The following DENND1A variants were observed in gnomAD, a reference collection of about 807,000 sequenced individuals.
DENND1A encodes DENN domain-containing protein 1A.
Under a neutral mutation model 113.7 loss-of-function variants are expected in DENND1A, and 51 were observed. That is an observed-to-expected ratio of 0.45 (90% confidence interval 0.36 to 0.57). DENND1A has a LOEUF of 0.57. Among genes scored for constraint, DENND1A ranks in the 20% least tolerant of loss-of-function variants. DENND1A has a pLI of 0.00. For synonymous variants in DENND1A, 565 were observed against 570.8 expected (o/e 0.99, Z 0.14); for missense variants, 1,258 against 1,395.9 (o/e 0.90, Z 1.57).
At chr9:123,442,166 C>G (rs1004401231) in intron 18 of DENND1A, among the ~76,000 whole-genome samples, 1 of 152,178 alleles carries the variant, frequency 6.6e-6, no homozygotes, top group African/African-American at 2.4e-5. Context: ...CAGCTGCCTA[C>G]CAGCTGGCCT....
chr9:123,561,636 G>A (rs750009002), intron 12 of DENND1A, among the ~76,000 whole-genome samples: 2 of 152,208 alleles, frequency 1.3e-5, no homozygotes, highest in South Asian at 2.1e-4. Flanking sequence ...CATTAACATC[G>A]GGATTCATCA....
chr9:123,737,685 C>T (rs2068675371), intron 5 of DENND1A, among the ~76,000 whole-genome samples: 1 of 152,190 alleles, frequency 6.6e-6, no homozygotes, highest in African/African-American at 2.4e-5. Flanking sequence ...TCAAAATCCA[C>T]TCTTTCCAGG....
At chr9:123,536,482 A>C (rs1184434680) in intron 13 of DENND1A, among the ~76,000 whole-genome samples, 1 of 151,176 alleles carries the variant, frequency 6.6e-6, no homozygotes, top group Non-Finnish European at 1.5e-5. Flanking sequence ...AAAAAAAAAA[A>C]GAAAAAGAAA....
intron 2 of DENND1A, among the ~76,000 whole-genome samples, chr9:123,820,280 C>T (rs1036846010): frequency 2.0e-5 from 3 of 152,210 alleles, no homozygotes; most frequent in Non-Finnish European, 1.5e-5. Context: ...GGGCTGACTT[C>T]GTGACTTGCT....
intron 13 of DENND1A, among the ~76,000 whole-genome samples, chr9:123,536,475 A>G (rs2055783271): frequency 6.6e-6 from 1 of 151,826 alleles, no homozygotes; most frequent in African/African-American, 2.4e-5. Context: ...CCAAAAAAAA[A>G]AAAAAAAGAA....
chr9:123,755,697 G>A (rs961916995), intron 5 of DENND1A, among the ~76,000 whole-genome samples: 2 of 152,078 alleles, frequency 1.3e-5, no homozygotes, highest in African/African-American at 2.4e-5. Flanking sequence ...GAGGATGAAG[G>A]CCTTTATGAT....
At position 123,475,661 on chromosome 9, in the gene DENND1A, G is replaced by A. The variant is rs2049850834; in HGVS notation, c.994-17764C>T. On this transcript the variant is annotated intron_variant, in intron 13 of 23. Coordinates refer to ENST00000394215, the MANE Select transcript of DENND1A (RefSeq NM_001352964.2). ...ATAAAGCACTGTGGGGGTTCCCGCT[G>A]CTGCACACTCGCCTGCCATCGCAGG... Among the ~76,000 whole-genome samples the A allele has an allele frequency of 2.6e-5, 4 of 152,256 alleles. No homozygotes were observed. In the South Asian group the frequency reaches 8.3e-4, roughly 31 times the overall value.
intron 12 of DENND1A, chr9:123,569,692 G>C (rs2058248496): frequency 6.6e-6 from 1 of 152,300 alleles, no homozygotes. Flanking sequence ...AAAGCACAAG[G>C]GATGAATGAC....
intron 12 of DENND1A, 134 bp downstream of exon 12, chr9:123,583,035 T>C (rs2058995883): frequency 1.6e-6 from 1 of 636,928 alleles, no homozygotes; most frequent in Non-Finnish European, 2.7e-6. Flanking sequence ...AAGGTTTCAA[T>C]GCAGAAACAA....
chr9:123,765,136 T>A (rs986154169), intron 4 of DENND1A, among the ~76,000 whole-genome samples: 6 of 152,178 alleles, frequency 3.9e-5, no homozygotes, highest in Non-Finnish European at 5.9e-5. Context: ...AATAAATATA[T>A]ATTGCTTTAT....
intron 19 of DENND1A, chr9:123,439,776 T>TTAGTTTCTA (rs1298611956): frequency 6.6e-6 from 1 of 152,106 alleles, no homozygotes; most frequent in Non-Finnish European, 1.5e-5. Context: ...ATACAAAATT[T>TTAGTTTCTA]TAGTTTCTAT....
intron 2 of DENND1A, among the ~76,000 whole-genome samples, chr9:123,864,458 G>C (rs1300392229): frequency 1.3e-5 from 2 of 152,200 alleles, no homozygotes; most frequent in Non-Finnish European, 2.9e-5. Context: ...AATGTAAAAA[G>C]TACAGGCTGA....
At chr9:123,894,593 G>C (rs1269544208) in intron 1 of DENND1A, among the ~76,000 whole-genome samples, 1 of 152,182 alleles carries the variant, frequency 6.6e-6, no homozygotes, top group Non-Finnish European at 1.5e-5. Flanking sequence ...AGGATGCAAT[G>C]AGGCTTTTTC....
chr9:123,868,940 T>C (rs1389978462), intron 2 of DENND1A, among the ~76,000 whole-genome samples: 1 of 152,192 alleles, frequency 6.6e-6, no homozygotes, highest in Non-Finnish European at 1.5e-5. Flanking sequence ...AGCAGGGATA[T>C]ACAATTAACG....
Position 123,450,742 on chromosome 9 carries a change from T to C in DENND1A, c.1307A>G (p.Asp436Gly). ...CTCTTTTATTCCCATTTTTGCATGA[T>C]CTTTTGCCTGCATGAAAAATTAATT... is the stretch of plus-strand genomic sequence containing the variant. Reference protein sequence around the residue: ...AMKTVYKFAKDHAKMGIKEVK... With the variant: ...AMKTVYKFAKGHAKMGIKEVK... Residue 436 changes from aspartate to glycine, a missense_variant, in exon 18 of 24, where the codon GAT (aspartate) becomes GGT (glycine). Around this residue, in one of 2 missense-constraint regions of DENND1A, gnomAD observed 1,159 missense variants for 1,231.7 expected, o/e 0.94. Coordinates refer to ENST00000394215, the MANE Select transcript of DENND1A (RefSeq NM_001352964.2). The C allele has an allele frequency of 6.2e-7, 1 of 1,610,856 alleles. No individual in the cohort carries two copies. The highest frequency in any genetic ancestry group is 8.5e-7 in the Non-Finnish European group (1 of 1,179,206).
intron 10 of DENND1A, among the ~76,000 whole-genome samples, chr9:123,627,181 A>C (rs2061262478): frequency 1.3e-5 from 2 of 152,200 alleles, no homozygotes; most frequent in Non-Finnish European, 2.9e-5. Context: ...AAAGGCTCTC[A>C]GACTTTCACC....
At chr9:123,409,051 A>G (rs2044104811) in intron 20 of DENND1A, among the ~76,000 whole-genome samples, 1 of 152,136 alleles carries the variant, frequency 6.6e-6, no homozygotes, top group Non-Finnish European at 1.5e-5. Flanking sequence ...AGGACTTATC[A>G]TCAGGCCTGT....
At chr9:123,592,959 G>A (rs943341360) in intron 11 of DENND1A, among the ~76,000 whole-genome samples, 1 of 152,186 alleles carries the variant, frequency 6.6e-6, no homozygotes, top group African/African-American at 2.4e-5. Context: ...TGTATCAGAA[G>A]CACTAGGTAT....
chr9:123,668,067 C>A (rs1322905988), intron 7 of DENND1A, among the ~76,000 whole-genome samples: 1 of 152,130 alleles, frequency 6.6e-6, no homozygotes, highest in Non-Finnish European at 1.5e-5. Flanking sequence ...ACTGATGGCA[C>A]CTCCTTTGCT....
Sources: allele counts gnomAD v4.1 joint callset (sites outside exome capture counted in the v4.1 genomes callset), GRCh38; gene constraint gnomAD v4.1.1; regional missense constraint gnomAD v4.1.1; transcripts MANE v1.5; gene names NCBI Gene and HGNC (gene_info 2026-07-23, HGNC 2026-07-21).